Variants in KCNJ6 observed in about 807,000 individuals in gnomAD.
KCNJ6 encodes the protein G protein-activated inward rectifier potassium channel 2.
KCNJ6 carries 9 observed loss-of-function variants against 34.2 expected under a neutral mutation model. The ratio of observed to expected loss-of-function variants is 0.26; its 90% CI spans 0.16 to 0.46. The LOEUF (loss-of-function observed/expected upper bound fraction) is 0.46, where lower values mean the gene tolerates loss of function less well. Among genes scored for constraint, KCNJ6 ranks in the 20% least tolerant of loss-of-function variants. KCNJ6 has a pLI of 1.00. For synonymous variants in KCNJ6, 196 were observed against 207.1 expected, an observed-to-expected ratio of 0.95 and a Z score of 0.46; for missense variants, 236 against 531.3, an observed-to-expected ratio of 0.44 and a Z score of 5.46.
At chr21:37,668,075 A>C (rs1408117289) in intron 3 of KCNJ6, among the ~76,000 whole-genome samples, 1 of 152,074 alleles carries the variant, frequency 6.6e-6, no homozygotes, top group African/African-American at 2.4e-5. Context: ...GCTGAGAACC[A>C]CTGGTGCCTG....
rs2054245686 is a variant in KCNJ6, at chr21:37,612,383, C to G, written c.*12776G>C. ...AGAACTAAGTAAATACAGAGATATT[C>G]CATTTCATGGAGGGACTCAATATTG... On this transcript the variant is annotated 3_prime_UTR_variant, in exon 4 of 4. Coordinates refer to ENST00000609713, the MANE Select transcript of KCNJ6 (RefSeq NM_002240.5). 1 of 152,174 alleles carries G rather than the reference C, an allele frequency of 6.6e-6. No homozygotes were observed. Among genetic ancestry groups the G allele is most frequent in the East Asian group, 1.9e-4 (1 of 5,200 alleles). The allele number at this position is 152,174 out of a possible 1,614,324, so 9.4% of individuals were successfully genotyped here.
intron 2 of KCNJ6, among the ~76,000 whole-genome samples, chr21:37,833,809 C>T (rs1320234221): frequency 6.6e-6 from 1 of 152,216 alleles, no homozygotes; most frequent in Non-Finnish European, 1.5e-5. Flanking sequence ...GGCACACTGA[C>T]TGTGGACCAA....
At chr21:37,792,197 T>C (rs1370170312) in intron 2 of KCNJ6, among the ~76,000 whole-genome samples, 4 of 152,334 alleles carry the variant, frequency 2.6e-5, no homozygotes, top group African/African-American at 7.2e-5. Flanking sequence ...TGCTTGTGCA[T>C]CAGCTGCAAC....
At chr21:37,694,335 A>G (rs2054654348) in intron 3 of KCNJ6, among the ~76,000 whole-genome samples, 1 of 152,210 alleles carries the variant, frequency 6.6e-6, no homozygotes, top group South Asian at 2.1e-4. Flanking sequence ...TGGTTCTTTT[A>G]GCGAGGACAA....
Position 37,714,517 on chromosome 21 carries a change from G to T in KCNJ6, c.640C>A (p.Arg214=). 3 of 1,614,108 alleles carry T rather than the reference G, an allele frequency of 1.9e-6. No individual in the cohort carries two copies. The highest frequency in any genetic ancestry group is 1.6e-4 in the Middle Eastern group (1 of 6,062). The change falls in exon 3 of 4, where the codon CGG becomes AGG. Residue 214 remains arginine, a synonymous_variant. Coordinates refer to ENST00000609713, the MANE Select transcript of KCNJ6 (RefSeq NM_002240.5). This position sits in a 1 kb window ranked among gnomAD's most constrained non-coding sequence, Gnocchi z 5.9. The part of the protein sequence containing the change: ...VFSTHAVISM[R]DGKLCLMFRV... ...AACATCAGGCACAGTTTCCCATCCC[G>T]CATGGAGATCACTGCATGGGTGGAA...
intron 2 of KCNJ6, among the ~76,000 whole-genome samples, chr21:37,815,781 G>A (rs1339219919): frequency 1.3e-5 from 2 of 152,202 alleles, no homozygotes; most frequent in Non-Finnish European, 2.9e-5. Context: ...TTTCCCTTTG[G>A]GAGGCTGATA....
chr21:37,885,508 C>T (rs2123628450), intron 1 of KCNJ6, among the ~76,000 whole-genome samples: 1 of 152,318 alleles, frequency 6.6e-6, no homozygotes, highest in African/African-American at 2.4e-5. Flanking sequence ...TGGGGGCAGA[C>T]CTGAGCACTT....
rs1260372632 is a variant in KCNJ6 at position 37,613,216 on chromosome 21, G to A, written c.*11943C>T. The A allele has an allele frequency of 1.3e-5, 2 of 152,158 alleles. No individual in the cohort carries two copies. The highest frequency in any genetic ancestry group is 4.8e-5 in the African/African-American group (2 of 41,430). The allele number at this position is 152,158 out of a possible 1,614,324, so 9.4% of individuals were successfully genotyped here. A position where few individuals can be genotyped will look rare whatever the true frequency, so the allele number is the denominator to read the frequency against. ...TCCCAAATCATGTCATTAGGGAATT[G>A]CAAATTAAAACAGCAATGAAACACC... On this transcript the variant is annotated 3_prime_UTR_variant, in exon 4 of 4. Coordinates refer to ENST00000609713, the MANE Select transcript of KCNJ6 (RefSeq NM_002240.5).
At chr21:37,676,823 G>A (rs1165351155) in intron 3 of KCNJ6, among the ~76,000 whole-genome samples, 1 of 152,246 alleles carries the variant, frequency 6.6e-6, no homozygotes, top group Non-Finnish European at 1.5e-5. Context: ...GCAACAGAGA[G>A]TGACCTGGCT....
chr21:37,850,971 T>G (rs2055534607), intron 1 of KCNJ6, among the ~76,000 whole-genome samples: 1 of 152,160 alleles, frequency 6.6e-6, no homozygotes, highest in Non-Finnish European at 1.5e-5. Flanking sequence ...GATTGATTGA[T>G]TCATTCATTC....
chr21:37,838,366 A>G (rs1194704332), intron 2 of KCNJ6, among the ~76,000 whole-genome samples: 1 of 152,244 alleles, frequency 6.6e-6, no homozygotes, highest in Non-Finnish European at 1.5e-5. Context: ...CAATTCAGTC[A>G]GGTGAGTTAA....
At chr21:37,837,181 C>G (rs896281396) in intron 2 of KCNJ6, among the ~76,000 whole-genome samples, 1 of 152,124 alleles carries the variant, frequency 6.6e-6, no homozygotes, top group Non-Finnish European at 1.5e-5. Context: ...TCCACATCTA[C>G]TTTTCTTCCC....
intron 3 of KCNJ6, among the ~76,000 whole-genome samples, chr21:37,669,026 C>T (rs528979443): frequency 6.6e-6 from 1 of 152,232 alleles, no homozygotes; most frequent in South Asian, 2.1e-4. Context: ...GGAAACATTG[C>T]CATCTATTGT....
chr21:37,845,822 AC>A (rs1477375524), intron 1 of KCNJ6, among the ~76,000 whole-genome samples: 1 of 152,100 alleles, frequency 6.6e-6, no homozygotes, highest in Admixed American at 6.6e-5. Context: ...TGCAACCCAC[AC>A]CTGTATTTCC....
At chr21:37,826,299 GC>G (rs1267016007) in intron 2 of KCNJ6, among the ~76,000 whole-genome samples, 1 of 152,186 alleles carries the variant, frequency 6.6e-6, no homozygotes, top group Non-Finnish European at 1.5e-5. Flanking sequence ...GGAAACTGGA[GC>G]TAAAACAGGA....
intron 1 of KCNJ6, among the ~76,000 whole-genome samples, chr21:37,901,360 C>T (rs1344014550): frequency 1.3e-5 from 2 of 150,464 alleles, no homozygotes; most frequent in African/African-American, 4.9e-5. Flanking sequence ...ACTTTCTCTG[C>T]ATTTCTATCG....
intron 2 of KCNJ6, among the ~76,000 whole-genome samples, chr21:37,832,806 G>T (rs776257422): frequency 1.6e-4 from 25 of 152,146 alleles, no homozygotes; most frequent in Non-Finnish European, 3.1e-4. Flanking sequence ...GAGAACAAAG[G>T]TATTTCTCTC....
rs1178278029 is a variant in KCNJ6 at position 37,609,829 on chromosome 21, G to C, written c.*15330C>G. 6.6e-6 allele frequency: 1 copy of C among 152,174 alleles called. No homozygotes were observed. Among genetic ancestry groups the C allele is most frequent in the African/African-American group, 2.4e-5 (1 of 41,420 alleles). The allele number at this position is 152,174 out of a possible 1,614,324, so 9.4% of individuals were successfully genotyped here. A position where few individuals can be genotyped will look rare whatever the true frequency, so the allele number is the denominator to read the frequency against. ...TTGTCAGTAGCCTGCTGGAGCTGAA[G>C]GAATTGCTCATGGATGAGCTGGCGA... is the stretch of plus-strand genomic sequence containing the variant. On this transcript the variant is annotated 3_prime_UTR_variant, in exon 4 of 4. Transcript: ENST00000609713.
chr21:37,893,450 C>A (rs1185495090), intron 1 of KCNJ6, among the ~76,000 whole-genome samples: 1 of 152,104 alleles, frequency 6.6e-6, no homozygotes, highest in African/African-American at 2.4e-5. Context: ...TTGTGATCCA[C>A]CTGCCTTGGC....
Sources: gnomAD v4.1 joint callset for allele counts (sites outside exome capture counted in the v4.1 genomes callset) on GRCh38, gnomAD v4.1.1 for gene constraint, Gnocchi (gnomAD v3.1) non-coding constraint, MANE v1.5 for transcripts, NCBI Gene and HGNC (gene_info 2026-07-23, HGNC 2026-07-21) for gene names.